Variants in CATSPERE observed in about 807,000 individuals in gnomAD.
CATSPERE encodes catsper channel auxiliary subunit epsilon.
CATSPERE carries 93 observed loss-of-function variants against 114.1 expected under a neutral mutation model. The observed-to-expected ratio is 0.81, with a 90% CI of 0.69 to 0.97. CATSPERE has a LOEUF of 0.97. CATSPERE is among the 50% of genes least tolerant of loss of function. The pLI, the probability that CATSPERE is intolerant of heterozygous loss-of-function variation, is 0.00. For missense variants in CATSPERE, 1,058 were observed against 1,131.6 expected, an observed-to-expected ratio of 0.93 and a Z score of 0.93; for synonymous variants, 341 against 384.1, an observed-to-expected ratio of 0.89 and a Z score of 1.31.
chr1:244,454,766 T>C (rs1313740246), intron 1 of CATSPERE, among the ~76,000 whole-genome samples: 1 of 152,142 alleles, frequency 6.6e-6, no homozygotes, highest in Non-Finnish European at 1.5e-5. Flanking sequence ...AGTTTTGTGC[T>C]AAGAATTTGT....
chr1:244,517,182 T>G (rs1676776983), intron 7 of CATSPERE, among the ~76,000 whole-genome samples: 1 of 151,994 alleles, frequency 6.6e-6, no homozygotes, highest in South Asian at 2.1e-4. Flanking sequence ...AAAATTATCT[T>G]TAATGACCAT....
intron 5 of CATSPERE, among the ~76,000 whole-genome samples, chr1:244,481,324 G>A (rs576709779): frequency 6.6e-5 from 10 of 152,178 alleles, no homozygotes; most frequent in South Asian, 4.1e-4. Flanking sequence ...GGTGGCGGGC[G>A]CCTGTAATCC....
chr1:244,570,460 A>G (rs1421399870), intron 10 of CATSPERE, among the ~76,000 whole-genome samples: 1 of 151,626 alleles, frequency 6.6e-6, no homozygotes, highest in Non-Finnish European at 1.5e-5. Context: ...TCTTTTTGTA[A>G]CTTTAGTCAT....
At chr1:244,559,880 T>G (rs751429427) in intron 9 of CATSPERE, among the ~76,000 whole-genome samples, 53 of 152,244 alleles carry the variant, frequency 3.5e-4, no homozygotes, top group Non-Finnish European at 6.0e-4. Context: ...TAATTTATTT[T>G]TATGGTTATA....
chr1:244,622,047 T>A (rs918032730), intron 20 of CATSPERE, among the ~76,000 whole-genome samples: 25 of 152,216 alleles, frequency 1.6e-4, no homozygotes, highest in African/African-American at 5.8e-4. Context: ...ATCGCATCTA[T>A]CTCCAAGTCC....
rs1044858238 is a variant in CATSPERE, at chr1:244,524,836, A to T, written c.536+6138A>T. Among the ~76,000 whole-genome samples the T allele has an allele frequency of 2.1e-3, 310 of 146,336 alleles. 6 individuals carry two copies. The highest frequency in any genetic ancestry group is 3.5e-3 in the Non-Finnish European group (239 of 67,326). The stretch of plus-strand genomic sequence containing the variant: ...ATGCCAATCATTAAAAAGTCAGGAA[A>T]CAACAGGTGCTGGAGAGGATGTGGA... On this transcript the variant is annotated intron_variant, in intron 8 of 21. Coordinates refer to ENST00000366534, the MANE Select transcript of CATSPERE (RefSeq NM_001130957.2).
intron 18 of CATSPERE, among the ~76,000 whole-genome samples, chr1:244,606,351 T>C (rs1344656606): frequency 1.3e-5 from 2 of 152,016 alleles, no homozygotes; most frequent in African/African-American, 2.4e-5. Context: ...CCTCCCTGTG[T>C]GGGCCTTCCT....
At chr1:244,617,316 T>A (rs1347561085) in intron 19 of CATSPERE, among the ~76,000 whole-genome samples, 1 of 152,222 alleles carries the variant, frequency 6.6e-6, no homozygotes, top group East Asian at 1.9e-4. Context: ...TGTAATTGTT[T>A]GTAAATACAA....
chr1:244,586,789 C>T (rs1323115036), intron 13 of CATSPERE, among the ~76,000 whole-genome samples: 1 of 152,044 alleles, frequency 6.6e-6, no homozygotes, highest in East Asian at 1.9e-4. Context: ...GTGTGTAGAC[C>T]CTGTTGAGAC....
chr1:244,468,565 G>A (rs979864807), intron 2 of CATSPERE, among the ~76,000 whole-genome samples: 41 of 152,270 alleles, frequency 2.7e-4, no homozygotes, highest in African/African-American at 9.6e-4. Flanking sequence ...GGTAGATAAA[G>A]GGCAAGAGAG....
intron 17 of CATSPERE, among the ~76,000 whole-genome samples, chr1:244,599,434 C>G (rs567649156): frequency 1.2e-4 from 19 of 152,286 alleles, no homozygotes; most frequent in African/African-American, 4.6e-4. Flanking sequence ...CTCTCATACA[C>G]CCTACATCAA....
intron 20 of CATSPERE, among the ~76,000 whole-genome samples, chr1:244,621,315 A>AATATATATATATATAT (rs201672348): frequency 2.3e-4 from 6 of 26,318 alleles, no homozygotes; most frequent in African/African-American, 3.2e-4. Context: ...AAATATATAA[A>AATATATATATATATAT]ATATATATAT....
chr1:244,517,358 C>T lies in CATSPERE; in HGVS notation c.430-1234C>T, dbSNP rs3006043. ...AAGAATGCTTCATTTACTCTTTCCT[C>T]AGCAGTTATACAAAAGGTAGTTGTA... On this transcript the variant is annotated intron_variant, in intron 7 of 21. Coordinates refer to ENST00000366534, the MANE Select transcript of CATSPERE (RefSeq NM_001130957.2). Among the ~76,000 whole-genome samples the T allele has an allele frequency of 7.3e-3, 1,107 of 152,034 alleles. 23 individuals are homozygous for T. Among genetic ancestry groups the T allele is most frequent in the African/African-American group, 0.025 (1,032 of 41,380 alleles).
Position 244,499,500 on chromosome 1 carries a change from C to G in CATSPERE, c.429+421C>G, listed in dbSNP as rs113352068. Among the ~76,000 whole-genome samples the G allele has an allele frequency of 2.6e-3, 339 of 131,836 alleles. 2 individuals are homozygous for G. Among genetic ancestry groups the G allele is most frequent in the African/African-American group, 8.7e-3 (315 of 36,352 alleles). The allele number at this position is 131,836 out of a possible 152,430, so 86.5% of individuals were successfully genotyped here. ...AAATGCTCTCCCTCCCCTTCCCCCC[C>G]ACCCCTCGACAGGCCATGGTGTGTG... On this transcript the variant is annotated intron_variant, in intron 7 of 21. Transcript: ENST00000366534.
In CATSPERE at chr1:244,617,650, A is replaced by G. The variant is rs1671564687; in HGVS notation, c.2612A>G (p.Tyr871Cys). The stretch of plus-strand genomic sequence containing the variant: ...TGGCCCATGGGCCATTCTGGAATGT[A>G]TGTATTTCGTGTGAAGATCCTGGAT... ...IFWPMGHSGMYVFRVKILDPN... is the reference protein window; with the variant it reads ...IFWPMGHSGMCVFRVKILDPN... The change falls in exon 20 of 22, where the codon TAT (tyrosine) becomes TGT (cysteine). Residue 871 changes from tyrosine to cysteine, a missense_variant. Physicochemically the swap from Tyr to Cys is radical, Grantham distance 194. Transcript: ENST00000366534. 1 of 1,543,964 alleles carries G rather than the reference A, an allele frequency of 6.5e-7. No homozygotes were observed. Among genetic ancestry groups the G allele is most frequent in the South Asian group, 1.2e-5 (1 of 81,800 alleles).
intron 21 of CATSPERE, among the ~76,000 whole-genome samples, chr1:244,638,860 G>T (rs1291971085): frequency 6.6e-6 from 1 of 151,956 alleles, no homozygotes; most frequent in African/African-American, 2.4e-5. Context: ...CATGTCTTCG[G>T]CCATTAATTT....
chr1:244,625,538 C>T (rs1231232005), intron 20 of CATSPERE, among the ~76,000 whole-genome samples: 6 of 146,840 alleles, frequency 4.1e-5, no homozygotes, highest in South Asian at 2.2e-4. Flanking sequence ...AAGCAATTCT[C>T]CTGCCTCAGC....
chr1:244,521,942 C>T (rs1037412033), intron 8 of CATSPERE, among the ~76,000 whole-genome samples: 1 of 152,056 alleles, frequency 6.6e-6, no homozygotes, highest in Non-Finnish European at 1.5e-5. Context: ...AGAAAGTCAA[C>T]AAGGATACCC....
chr1:244,579,838 C>T (rs1022540514), intron 11 of CATSPERE, among the ~76,000 whole-genome samples: 6 of 152,136 alleles, frequency 3.9e-5, no homozygotes, highest in Non-Finnish European at 8.8e-5. Flanking sequence ...AAGTAACTAC[C>T]TCATAAGGTT....
Sources: allele counts gnomAD v4.1 joint callset (sites outside exome capture counted in the v4.1 genomes callset), GRCh38; gene constraint gnomAD v4.1.1; transcripts MANE v1.5; gene names NCBI Gene and HGNC (gene_info 2026-07-23, HGNC 2026-07-21).